The following ZNF3 variants were observed in gnomAD, a reference collection of about 807,000 sequenced individuals.
The protein encoded by ZNF3 is C2-H2 type zinc finger protein.
ZNF3 carries 16 observed loss-of-function variants against 36.9 expected under a neutral mutation model. The ratio of observed to expected loss-of-function variants is 0.43; its 90% confidence interval spans 0.29 to 0.66. ZNF3 has a LOEUF of 0.66. Ranked by LOEUF, ZNF3 falls within the 30% of genes least tolerant of loss-of-function variation. The pLI, the probability that ZNF3 is intolerant of heterozygous loss-of-function variation, is 0.13. For missense variants in ZNF3, 462 were observed against 543.1 expected (o/e 0.85, Z 1.48); for synonymous variants, 201 against 201.9 (o/e 1.00, Z 0.04).
chr7:100,081,459 G>A lies in ZNF3; in HGVS notation c.-198+176C>T, dbSNP rs552287951. ...TACGCAGGATCCCGCTAGGCTAGGG[G>A]GATCCCTGGGGAAGCGGAGTAGAGG... is the stretch of plus-strand genomic sequence containing the variant. On this transcript the variant is annotated intron_variant, in intron 1 of 5. Coordinates refer to ENST00000299667, the MANE Select transcript of ZNF3 (RefSeq NM_032924.5). The surrounding 1 kb of genome is among the most constrained non-coding windows in gnomAD (Gnocchi z 4.3). Among the ~76,000 whole-genome samples the A allele has an allele frequency of 6.6e-6, 1 of 152,328 alleles. No homozygotes were observed. Among genetic ancestry groups the A allele is most frequent in the East Asian group, 1.9e-4 (1 of 5,176 alleles).
Position 100,070,047 on chromosome 7 carries a change from T to G in ZNF3, c.*1096A>C, listed in dbSNP as rs767334755. 1.0e-6 allele frequency: 1 copy of G among 985,738 alleles called. No homozygotes were observed. Among genetic ancestry groups the G allele is most frequent in the Non-Finnish European group, 1.2e-6 (1 of 829,938 alleles). 61.1% of individuals were successfully genotyped at this position (985,738 alleles called of 1,614,324 possible). A position where few individuals can be genotyped will look rare whatever the true frequency, so the allele number is the denominator to read the frequency against. ...GATGAGCAGGGTTGGGAAAACACAATGGAAGGTCATCCCGTCGGTTGGGAA... is the reference window on the plus strand; with the variant it reads ...GATGAGCAGGGTTGGGAAAACACAAGGGAAGGTCATCCCGTCGGTTGGGAA... On this transcript the variant is annotated 3_prime_UTR_variant, in exon 6 of 6. Transcript: ENST00000299667.
At chr7:100,076,483 G>C (rs192608640) in intron 3 of ZNF3, among the ~76,000 whole-genome samples, 12 of 151,850 alleles carry the variant, frequency 7.9e-5, no homozygotes, top group African/African-American at 2.9e-4. Flanking sequence ...TAGTAGAGAT[G>C]CGGTTTCACT....
chr7:100,072,255 AGAAAGAGTGAAAATCACAG>A (rs1793302585), intron 5 of ZNF3, 43 bp from the exon 6 acceptor site: 1 of 1,487,012 alleles, frequency 6.7e-7, no homozygotes, highest in Non-Finnish European at 9.0e-7. Flanking sequence ...TCCTTAGGGA[AGAAAGAGTGAAAATCACAG>A]GACAGGATCA....
intron 5 of ZNF3, 104 bp downstream of exon 5, chr7:100,075,031 A>G: frequency 1.4e-6 from 2 of 1,465,486 alleles, no homozygotes; most frequent in Non-Finnish European, 1.8e-6. Context: ...CACCTCAAAA[A>G]AAAAATCTGC....
At position 100,071,716 on chromosome 7, in the gene ZNF3, A is replaced by G. The variant is rs760472456; in HGVS notation, c.768T>C (p.Tyr256=). The G allele has an allele frequency of 7.4e-6, 12 of 1,611,612 alleles. No individual in the cohort carries two copies. Among genetic ancestry groups the G allele is most frequent in the East Asian group, 2.2e-5 (1 of 44,700 alleles). The change falls in exon 6 of 6, where the codon TAT becomes TAC. Residue 256 remains tyrosine, a synonymous_variant. Transcript: ENST00000299667. ...HQRIHTGEKP[Y]ECSDCGKTFS... The stretch of plus-strand genomic sequence containing the variant: ...AGGTTTTCCCACAATCACTACATTC[A>G]TAAGGTTTTTCCCCAGTGTGGATTC...
At chr7:100,067,783 T>C (rs376537624), downstream of ZNF3, among the ~76,000 whole-genome samples, 17 of 152,256 alleles carry the variant, frequency 1.1e-4, no homozygotes, top group South Asian at 1.9e-3. Context: ...ACTGCTACCA[T>C]CACTTGCAAA....
downstream of ZNF3, chr7:100,065,137 G>T (rs1792581002): frequency 1.5e-6 from 1 of 671,480 alleles, no homozygotes; most frequent in Non-Finnish European, 2.3e-6. Flanking sequence ...TAGAAAATTT[G>T]GATTTGGGGG....
chr7:100,065,059 A>G (rs540307977), downstream of ZNF3: 105 of 1,007,902 alleles, frequency 1.0e-4, no homozygotes, highest in Middle Eastern at 5.6e-4. Context: ...GACTATTATT[A>G]TAACAAATGA....
In ZNF3 at chr7:100,072,229, T is replaced by G; in HGVS notation, c.272-17A>C. ...TCTCACGATCTGACACAATAAAAAA[T>G]GCAAATGTCACTTGTTCCTTAGGGA... On this transcript the variant is annotated splice_polypyrimidine_tract_variant and intron_variant, in intron 5 of 5. Coordinates refer to ENST00000299667, the MANE Select transcript of ZNF3 (RefSeq NM_032924.5). The G allele has an allele frequency of 6.5e-7, 1 of 1,548,796 alleles. No homozygotes were observed. The highest frequency in any genetic ancestry group is 2.2e-5 in the East Asian group (1 of 44,518).
chr7:100,067,639 C>A (rs957978085), downstream of ZNF3, among the ~76,000 whole-genome samples: 1 of 151,976 alleles, frequency 6.6e-6, no homozygotes, highest in Admixed American at 6.6e-5. Context: ...TGAGTTCAAG[C>A]GATTCTCCTG....
rs1246142840 is a variant in ZNF3, at chr7:100,071,609, G to A, written c.875C>T (p.Thr292Ile). Residue 292 changes from threonine (T) to isoleucine (I), a missense_variant, in exon 6 of 6, where the codon ACC becomes ATC. Thr to Ile is a moderately conservative substitution (Grantham distance 89). Coordinates refer to ENST00000299667, the MANE Select transcript of ZNF3 (RefSeq NM_032924.5). ...KPYECNECGK[T>I]FSWSSTLTHH... ...GGTGAGGGTGGAGCTCCAGCTGAAG[G>A]TCTTCCCACACTCATTACATTCATA... 1 of 1,613,822 alleles carries A rather than the reference G, an allele frequency of 6.2e-7. No individual in the cohort carries two copies. Among genetic ancestry groups the A allele is most frequent in the Non-Finnish European group, 8.5e-7 (1 of 1,179,988 alleles).
At chr7:100,066,751 T>G (rs951602011), downstream of ZNF3, among the ~76,000 whole-genome samples, 1 of 145,528 alleles carries the variant, frequency 6.9e-6, no homozygotes, top group Non-Finnish European at 1.5e-5. Context: ...AATAAATAAA[T>G]AGGCCGGGTG....
chr7:100,080,039 G>GA (rs1037293692), intron 1 of ZNF3, among the ~76,000 whole-genome samples: 3 of 151,076 alleles, frequency 2.0e-5, no homozygotes, highest in Admixed American at 6.6e-5. Flanking sequence ...TAAAGAAAAG[G>GA]AAAAAAAAGA....
In ZNF3 at chr7:100,070,750, C is replaced by G. The variant is rs534636035; in HGVS notation, c.*393G>C. On this transcript the variant is annotated 3_prime_UTR_variant, in exon 6 of 6. Coordinates refer to ENST00000299667, the MANE Select transcript of ZNF3 (RefSeq NM_032924.5). ...TCCCTTTACCCTCCCTAGCAAATAACAGGACCCAGAGCGTCCTTTCCACTG... is the reference window on the plus strand; with the variant it reads ...TCCCTTTACCCTCCCTAGCAAATAAGAGGACCCAGAGCGTCCTTTCCACTG... 1.5e-5 allele frequency: 15 copies of G among 1,012,464 alleles called. No homozygotes were observed. In the African/African-American group the frequency reaches 2.2e-4, roughly 15 times the overall value. 62.7% of individuals were successfully genotyped at this position (1,012,464 alleles called of 1,614,324 possible).
downstream of ZNF3, among the ~76,000 whole-genome samples, chr7:100,066,814 C>T (rs184883504): frequency 6.6e-6 from 1 of 152,168 alleles, no homozygotes; most frequent in Non-Finnish European, 1.5e-5. Flanking sequence ...GCAGGTGGAT[C>T]ACCTGAAATC....
chr7:100,066,680 T>C (rs1584398099), downstream of ZNF3, among the ~76,000 whole-genome samples: 1 of 148,636 alleles, frequency 6.7e-6, no homozygotes, highest in African/African-American at 2.5e-5. Flanking sequence ...GAGGTTGCAG[T>C]GAGCCGAGAT....
intron 2 of ZNF3, chr7:100,078,709 C>T (rs998873881): frequency 1.3e-5 from 2 of 151,978 alleles, no homozygotes; most frequent in African/African-American, 4.8e-5. Flanking sequence ...CAAAACAAAA[C>T]AAACCAACCA....
At chr7:100,065,004 T>G, downstream of ZNF3, 3 of 1,497,520 alleles carry the variant, frequency 2.0e-6, no homozygotes, top group Non-Finnish European at 2.7e-6. Flanking sequence ...TGAACACAAT[T>G]GAATGAGATT....
exon 6 of ZNF3, chr7:100,064,832 A>T (rs1584393189): frequency 6.2e-7 from 1 of 1,614,214 alleles, no homozygotes; most frequent in Admixed American, 1.7e-5. Flanking sequence ...TCACTGGAGC[A>T]GAGTCCCTTC....
Sources: gnomAD v4.1 joint callset for allele counts (sites outside exome capture counted in the v4.1 genomes callset) on GRCh38, gnomAD v4.1.1 for gene constraint, Gnocchi (gnomAD v3.1) non-coding constraint, MANE v1.5 for transcripts, NCBI Gene and HGNC (gene_info 2026-07-23, HGNC 2026-07-21) for gene names.